Variants in SGMS2 observed in about 807,000 individuals in gnomAD.
SGMS2 encodes the protein sphingomyelin synthase 2.
Under a neutral mutation model 43.8 loss-of-function variants are expected in SGMS2, and 21 were observed. The ratio of observed to expected loss-of-function variants is 0.48; its 90% CI spans 0.34 to 0.69. SGMS2 has a LOEUF of 0.69. Among genes scored for constraint, SGMS2 ranks in the 30% least tolerant of loss-of-function variants. SGMS2 has a pLI of 0.01. For missense variants in SGMS2, 384 were observed against 443.2 expected (o/e 0.87, Z 1.20); for synonymous variants, 167 against 160.6 (o/e 1.04, Z -0.30).
rs1026468239 is a variant in SGMS2 at position 107,911,788 on chromosome 4, T to C, written c.*1235T>C. 2 of 151,408 alleles carry C rather than the reference T, an allele frequency of 1.3e-5. No individual in the cohort carries two copies. Among genetic ancestry groups the C allele is most frequent in the Non-Finnish European group, 3.0e-5 (2 of 67,540 alleles). 9.4% of individuals were successfully genotyped at this position (151,408 alleles called of 1,614,324 possible). Reference sequence around the variant, plus strand: ...GGGGATAACTGTTTCTAAATTTCTTTAAGGTGATGCCAAAAAATGGATTAA... The same window carrying C: ...GGGGATAACTGTTTCTAAATTTCTTCAAGGTGATGCCAAAAAATGGATTAA... On this transcript the variant is annotated 3_prime_UTR_variant, in exon 7 of 7. Transcript: ENST00000690982.
At chr4:107,849,947 C>A (rs777879235) in intron 1 of SGMS2, among the ~76,000 whole-genome samples, 11 of 152,156 alleles carry the variant, frequency 7.2e-5, no homozygotes, top group Non-Finnish European at 1.2e-4. Context: ...TGTGTGTCCC[C>A]ACCCAAATAT....
At chr4:107,889,475 A>G (rs1317750909) in intron 2 of SGMS2, among the ~76,000 whole-genome samples, 1 of 152,218 alleles carries the variant, frequency 6.6e-6, no homozygotes, top group African/African-American at 2.4e-5. Context: ...CGTAAACTTG[A>G]AAAAGCATTT....
intron 1 of SGMS2, among the ~76,000 whole-genome samples, chr4:107,826,333 A>C (rs1241266464): frequency 6.6e-6 from 1 of 152,246 alleles, no homozygotes; most frequent in Admixed American, 6.5e-5. Flanking sequence ...GCCGAGGGTT[A>C]GCATGTGAAA....
At chr4:107,839,172 T>A (rs1415958669) in intron 1 of SGMS2, among the ~76,000 whole-genome samples, 3 of 152,190 alleles carry the variant, frequency 2.0e-5, no homozygotes, top group Admixed American at 2.0e-4. Flanking sequence ...GGTGAAGACA[T>A]CTCTGAATTT....
intron 2 of SGMS2, among the ~76,000 whole-genome samples, chr4:107,884,204 C>T (rs1033610607): frequency 5.3e-5 from 8 of 152,162 alleles, no homozygotes; most frequent in Non-Finnish European, 1.0e-4. Context: ...AAGAAAATAA[C>T]AATCTATTTA....
intron 2 of SGMS2, among the ~76,000 whole-genome samples, chr4:107,870,182 T>G (rs891089437): frequency 7.2e-5 from 11 of 152,240 alleles, no homozygotes; most frequent in African/African-American, 2.7e-4. Context: ...AGCTTTTTAG[T>G]GGATGGATTG....
intron 1 of SGMS2, among the ~76,000 whole-genome samples, chr4:107,838,388 T>C (rs1726314064): frequency 1.3e-5 from 2 of 152,254 alleles, no homozygotes; most frequent in Admixed American, 6.5e-5. Flanking sequence ...TTTCCTGCTC[T>C]CTGTCTTTTC....
intron 2 of SGMS2, among the ~76,000 whole-genome samples, chr4:107,861,894 C>T (rs1342163244): frequency 1.3e-5 from 2 of 152,120 alleles, no homozygotes; most frequent in Non-Finnish European, 2.9e-5. Context: ...ATTTTCTAAA[C>T]AACTTTTGTA....
At chr4:107,844,507 G>C (rs1726701604) in intron 1 of SGMS2, among the ~76,000 whole-genome samples, 1 of 152,102 alleles carries the variant, frequency 6.6e-6, no homozygotes, top group East Asian at 1.9e-4. Flanking sequence ...TTTGAGACCA[G>C]CCTGGGCAAT....
At chr4:107,874,290 A>C (rs1174122807) in intron 2 of SGMS2, among the ~76,000 whole-genome samples, 1 of 152,192 alleles carries the variant, frequency 6.6e-6, no homozygotes, top group Non-Finnish European at 1.5e-5. Flanking sequence ...AGAGTAGGCA[A>C]CAAAAGACAC....
chr4:107,891,308 A>T (rs77794843), intron 2 of SGMS2, among the ~76,000 whole-genome samples: 6,147 of 109,092 alleles, frequency 0.056, 148 homozygotes, highest in African/African-American at 0.079. Context: ...GAGAAACAAT[A>T]AAAAAAAACA....
chr4:107,857,579 A>G (rs547410862), intron 1 of SGMS2, among the ~76,000 whole-genome samples: 3 of 151,754 alleles, frequency 2.0e-5, no homozygotes, highest in East Asian at 3.9e-4. Flanking sequence ...ACATATATGC[A>G]CTATTGGGTA....
In SGMS2 at chr4:107,912,976, A is replaced by C. The variant is rs181859458; in HGVS notation, c.*2423A>C. Reference sequence around the variant, plus strand: ...AAAACAAATAGTAAAACCCATTTACATGTAGGAAAGAAAAGTTGAGCTTCA... The same window carrying C: ...AAAACAAATAGTAAAACCCATTTACCTGTAGGAAAGAAAAGTTGAGCTTCA... On this transcript the variant is annotated 3_prime_UTR_variant, in exon 7 of 7. Transcript: ENST00000690982. 1 of 152,308 alleles carries C rather than the reference A, an allele frequency of 6.6e-6. No individual in the cohort carries two copies. The highest frequency in any genetic ancestry group is 1.9e-4 in the East Asian group (1 of 5,182). 9.4% of individuals were successfully genotyped at this position (152,308 alleles called of 1,614,324 possible).
intron 2 of SGMS2, among the ~76,000 whole-genome samples, chr4:107,880,868 GAAAGAA>G (rs1729283920): frequency 6.9e-6 from 1 of 145,486 alleles, no homozygotes; most frequent in Non-Finnish European, 1.5e-5. Flanking sequence ...AAAAAAAAAA[GAAAGAA>G]AAAGAAAAAA....
chr4:107,878,680 C>T (rs1374024597), intron 2 of SGMS2, among the ~76,000 whole-genome samples: 1 of 152,124 alleles, frequency 6.6e-6, no homozygotes, highest in Non-Finnish European at 1.5e-5. Context: ...AAGCGACTTC[C>T]CATGTGACTC....
intron 3 of SGMS2, 131 bp downstream of exon 3, chr4:107,896,139 C>T: frequency 1.2e-6 from 1 of 807,816 alleles, no homozygotes; most frequent in Non-Finnish European, 1.9e-6. Flanking sequence ...TGAAAGAAAA[C>T]AGTAGAAAGC....
At chr4:107,831,622 T>C (rs569554020) in intron 1 of SGMS2, among the ~76,000 whole-genome samples, 1 of 152,348 alleles carries the variant, frequency 6.6e-6, no homozygotes, top group Admixed American at 6.5e-5. Flanking sequence ...AGTCCCGTTG[T>C]GTCAAATGGA....
chr4:107,871,922 T>C (rs1453783447), intron 2 of SGMS2, among the ~76,000 whole-genome samples: 1 of 152,126 alleles, frequency 6.6e-6, no homozygotes, highest in Non-Finnish European at 1.5e-5. Flanking sequence ...AAACCTAATA[T>C]GCGTTAAACA....
At chr4:107,904,862 T>A (rs1373728654) in intron 5 of SGMS2, among the ~76,000 whole-genome samples, 4 of 152,120 alleles carry the variant, frequency 2.6e-5, no homozygotes, top group Non-Finnish European at 2.9e-5. Context: ...GTTCCATGAG[T>A]ATGCTATGTA....
Sources: gnomAD v4.1 joint callset for allele counts (sites outside exome capture counted in the v4.1 genomes callset) on GRCh38, gnomAD v4.1.1 for gene constraint, MANE v1.5 for transcripts, NCBI Gene and HGNC (gene_info 2026-07-23, HGNC 2026-07-21) for gene names.